Variants in SEPTIN7 observed in about 807,000 individuals in gnomAD.
The protein encoded by SEPTIN7 is septin 7, also known as septin-7.
In SEPTIN7, 10 loss-of-function variants were observed where a neutral mutation model predicts 63.3. The observed-to-expected ratio is 0.16, with a 90% confidence interval of 0.10 to 0.27. The LOEUF (loss-of-function observed/expected upper bound fraction) is 0.27. Among genes scored for constraint, SEPTIN7 ranks in the 10% least tolerant of loss-of-function variants. SEPTIN7 has a pLI of 1.00. For synonymous variants in SEPTIN7, 131 were observed against 165.3 expected (o/e 0.79, Z 1.59); for missense variants, 310 against 521.0 (o/e 0.59, Z 3.94).
chr7:35,805,321 C>T (rs1397267370), intron 1 of SEPTIN7, among the ~76,000 whole-genome samples: 2 of 151,846 alleles, frequency 1.3e-5, no homozygotes, highest in Non-Finnish European at 2.9e-5. Flanking sequence ...CCATTGTTGA[C>T]CAAACGTTGG....
At position 35,884,025 on chromosome 7, in the gene SEPTIN7, T is replaced by C. The variant is rs775991760; in HGVS notation, c.820+38T>C. 8 of 1,254,554 alleles carry C rather than the reference T, an allele frequency of 6.4e-6. No individual in the cohort carries two copies. In the East Asian group the frequency reaches 1.6e-4, roughly 25 times the overall value. The allele number at this position is 1,254,554 out of a possible 1,614,324, so 77.7% of individuals were successfully genotyped here. A position where few individuals can be genotyped will look rare whatever the true frequency, so the allele number is the denominator to read the frequency against. ...TCAGTGAATGACTTTCTAAAATATC[T>C]CAAAACTGATTAAAAATTTGTATTT... On this transcript the variant is annotated intron_variant, in intron 9 of 13. Transcript: ENST00000350320.
intron 1 of SEPTIN7, chr7:35,802,174 C>G (rs1158186509): frequency 4.3e-6 from 1 of 234,580 alleles, no homozygotes; most frequent in Non-Finnish European, 9.3e-6. Context: ...ATTCTCTTAA[C>G]GAGCCCTTTC....
At chr7:35,885,994 C>G (rs1787217308) in intron 10 of SEPTIN7, 115 bp downstream of exon 10, 10 of 700,656 alleles carry the variant, frequency 1.4e-5, no homozygotes, top group East Asian at 5.5e-5. Context: ...TATCTTCAGT[C>G]TAGCCATGAA....
chr7:35,816,026 T>C (rs1468158755), intron 1 of SEPTIN7, among the ~76,000 whole-genome samples: 1 of 152,172 alleles, frequency 6.6e-6, no homozygotes, highest in Non-Finnish European at 1.5e-5. Flanking sequence ...AAAGGAGATA[T>C]AACAATTTAT....
intron 1 of SEPTIN7, among the ~76,000 whole-genome samples, chr7:35,823,784 G>A (rs564867809): frequency 7.2e-5 from 11 of 152,060 alleles, no homozygotes; most frequent in Non-Finnish European, 1.0e-4. Context: ...TGGCTGTTAC[G>A]TATTCCTAGT....
Position 35,884,497 on chromosome 7 carries a change from C to T in SEPTIN7, c.820+510C>T, listed in dbSNP as rs577633156. Among the ~76,000 whole-genome samples the T allele has an allele frequency of 7.2e-5, 11 of 152,276 alleles. No individual in the cohort carries two copies. The East Asian group carries it at 2.1e-3, about 29-fold the overall frequency. ...TCATCATTAAGTCTATTTCTGTTTT[C>T]ATATTTGAAAACATAACTAAAATTG... is the stretch of plus-strand genomic sequence containing the variant. On this transcript the variant is annotated intron_variant, in intron 9 of 13. Coordinates refer to ENST00000350320, the MANE Select transcript of SEPTIN7 (RefSeq NM_001788.6).
At chr7:35,811,676 C>T (rs1167552871) in intron 1 of SEPTIN7, among the ~76,000 whole-genome samples, 2 of 152,100 alleles carry the variant, frequency 1.3e-5, no homozygotes, top group East Asian at 3.8e-4. Flanking sequence ...CACTTGAGGT[C>T]AGGAGTTCGA....
chr7:35,822,540 C>G (rs1273874492), intron 1 of SEPTIN7, among the ~76,000 whole-genome samples: 2 of 152,076 alleles, frequency 1.3e-5, no homozygotes, highest in Non-Finnish European at 2.9e-5. Flanking sequence ...TGCCGCTGAT[C>G]TGACAGGTGC....
intron 1 of SEPTIN7, among the ~76,000 whole-genome samples, chr7:35,821,160 G>T (rs1554334732): frequency 6.6e-6 from 1 of 152,168 alleles, no homozygotes; most frequent in African/African-American, 2.4e-5. Flanking sequence ...ATGACAATGG[G>T]CAAGTTAAAA....
chr7:35,868,201 A>C (rs1049589226), intron 4 of SEPTIN7, among the ~76,000 whole-genome samples: 1 of 152,078 alleles, frequency 6.6e-6, no homozygotes, highest in Non-Finnish European at 1.5e-5. Context: ...CAAACTCTGT[A>C]GATGAAGTGG....
At chr7:35,903,785 G>A (rs745601601) in intron 13 of SEPTIN7, among the ~76,000 whole-genome samples, 23 of 152,012 alleles carry the variant, frequency 1.5e-4, no homozygotes, top group Non-Finnish European at 3.2e-4. Context: ...GGATTATATA[G>A]TTTATCCTCA....
At chr7:35,899,549 C>G (rs1429453613) in intron 12 of SEPTIN7, 1 of 152,092 alleles carries the variant, frequency 6.6e-6, no homozygotes, top group Non-Finnish European at 1.5e-5. Context: ...AACAAACAGA[C>G]AAACAAAAAG....
intron 1 of SEPTIN7, among the ~76,000 whole-genome samples, chr7:35,822,455 A>G (rs1419918940): frequency 6.6e-6 from 1 of 152,146 alleles, no homozygotes. Context: ...TTAGATTCTC[A>G]TAAGGACTGC....
intron 1 of SEPTIN7, among the ~76,000 whole-genome samples, chr7:35,802,647 G>C (rs185830436): frequency 6.6e-6 from 1 of 152,380 alleles, no homozygotes; most frequent in Non-Finnish European, 1.5e-5. Flanking sequence ...CAGACATGGG[G>C]AGGAGAGTAT....
chr7:35,837,212 T>G (rs996209041), intron 3 of SEPTIN7, among the ~76,000 whole-genome samples: 1 of 152,208 alleles, frequency 6.6e-6, no homozygotes, highest in Non-Finnish European at 1.5e-5. Context: ...AATATTGTCA[T>G]CTGTCACCTA....
At chr7:35,910,353 A>T (rs1788720082), downstream of SEPTIN7, among the ~76,000 whole-genome samples, 1 of 152,236 alleles carries the variant, frequency 6.6e-6, no homozygotes. Flanking sequence ...GGTATTCTTG[A>T]TAATCATTTT....
intron 10 of SEPTIN7, among the ~76,000 whole-genome samples, chr7:35,889,946 A>G (rs1787534975): frequency 6.6e-6 from 1 of 152,182 alleles, no homozygotes; most frequent in Non-Finnish European, 1.5e-5. Context: ...GGATGATGAG[A>G]AGAGAGAGGA....
chr7:35,803,178 A>T, intron 1 of SEPTIN7: 7 of 948,664 alleles, frequency 7.4e-6, no homozygotes, highest in Non-Finnish European at 8.8e-6. Context: ...TGGTTTGGAG[A>T]TATTTGATGC....
At chr7:35,809,573 A>G (rs1447088982) in intron 1 of SEPTIN7, among the ~76,000 whole-genome samples, 3 of 152,264 alleles carry the variant, frequency 2.0e-5, no homozygotes, top group Non-Finnish European at 4.4e-5. Flanking sequence ...TATGCAGAGC[A>G]TACAGTGAAA....
Sources: allele counts gnomAD v4.1 joint callset (sites outside exome capture counted in the v4.1 genomes callset), GRCh38; gene constraint gnomAD v4.1.1; transcripts MANE v1.5; gene names NCBI Gene and HGNC (gene_info 2026-07-23, HGNC 2026-07-21).